INPP4B: variants seen among roughly 807,000 people sequenced by gnomAD.
INPP4B encodes inositol polyphosphate 4-phosphatase type II.
Under a neutral mutation model 122.5 loss-of-function variants are expected in INPP4B, and 55 were observed. The ratio of observed to expected loss-of-function variants is 0.45; its 90% CI spans 0.36 to 0.56. The LOEUF (loss-of-function observed/expected upper bound fraction) is 0.56, where lower values mean the gene tolerates loss of function less well. INPP4B is among the 20% of genes least tolerant of loss of function. The pLI is 0.00. For missense variants in INPP4B, 1,000 were observed against 1,097.7 expected, an observed-to-expected ratio of 0.91 and a Z score of 1.26; for synonymous variants, 403 against 388.7, an observed-to-expected ratio of 1.04 and a Z score of -0.43.
chr4:142,498,410 T>G (rs965604401), intron 2 of INPP4B, among the ~76,000 whole-genome samples: 3 of 152,030 alleles, frequency 2.0e-5, no homozygotes, highest in Non-Finnish European at 4.4e-5. Context: ...TAGAGCTACC[T>G]TAAAAGTTGA....
At chr4:142,183,242 G>A (rs766022288) in intron 15 of INPP4B, among the ~76,000 whole-genome samples, 12 of 152,066 alleles carry the variant, frequency 7.9e-5, no homozygotes, top group Admixed American at 1.3e-4. Flanking sequence ...AAATACCTCT[G>A]TAATTTATCT....
intron 1 of INPP4B, among the ~76,000 whole-genome samples, chr4:142,824,121 C>A (rs1184026064): frequency 1.3e-5 from 2 of 151,796 alleles, no homozygotes; most frequent in Admixed American, 1.3e-4. Context: ...GGACTTAAAC[C>A]ATGGCCCCCC....
At chr4:142,213,774 G>A (rs893114205) in intron 12 of INPP4B, among the ~76,000 whole-genome samples, 1 of 152,100 alleles carries the variant, frequency 6.6e-6, no homozygotes, top group South Asian at 2.1e-4. Flanking sequence ...CCAAGTAAAC[G>A]GTTTGCTGAT....
In INPP4B at chr4:142,525,088, C is replaced by T. The variant is rs1313475559; in HGVS notation, c.-190-62362G>A. Among the ~76,000 whole-genome samples the T allele has an allele frequency of 6.0e-5, 9 of 149,794 alleles. No individual in the cohort carries two copies. The East Asian group carries it at 1.8e-3, about 29-fold the overall frequency. Reference sequence around the variant, plus strand: ...CAAAAATCACAAGCATTCTTATACACCAATAACAGACAAACAGAGAGCCAA... The same window carrying T: ...CAAAAATCACAAGCATTCTTATACATCAATAACAGACAAACAGAGAGCCAA... On this transcript the variant is annotated intron_variant, in intron 2 of 25. Coordinates refer to ENST00000262992, the MANE Select transcript of INPP4B (RefSeq NM_001101669.3).
At chr4:142,673,847 C>A (rs560931572) in intron 2 of INPP4B, among the ~76,000 whole-genome samples, 1 of 152,022 alleles carries the variant, frequency 6.6e-6, no homozygotes, top group Non-Finnish European at 1.5e-5. Flanking sequence ...TTCCTAGATG[C>A]GGTCAATTAC....
intron 2 of INPP4B, among the ~76,000 whole-genome samples, chr4:142,616,549 C>T (rs916023419): frequency 6.6e-6 from 1 of 152,148 alleles, no homozygotes. Flanking sequence ...TGTACCCCAA[C>T]ACTTCTAAAT....
Position 142,156,150 on chromosome 4 carries a change from T to C in INPP4B, c.1563+4208A>G, listed in dbSNP as rs529899430. 3.9e-5 allele frequency among the ~76,000 whole-genome samples: 6 copies of C among 151,980 alleles called. No individual in the cohort carries two copies. The East Asian group carries it at 9.7e-4, about 25-fold the overall frequency. On this transcript the variant is annotated intron_variant, in intron 17 of 25. Transcript: ENST00000262992. ...CAATTAAAAATGGGTTTTGTGTCTG[T>C]CTAAATACTAAGAATTGTTTTTCTA...
At chr4:142,067,659 A>G (rs1764341535) in intron 25 of INPP4B, among the ~76,000 whole-genome samples, 1 of 152,224 alleles carries the variant, frequency 6.6e-6, no homozygotes, top group South Asian at 2.1e-4. Flanking sequence ...GCTGAAAACC[A>G]TGGCACGAGA....
intron 25 of INPP4B, among the ~76,000 whole-genome samples, chr4:142,070,394 A>G (rs1270707110): frequency 1.3e-5 from 2 of 152,218 alleles, no homozygotes; most frequent in African/African-American, 4.8e-5. Context: ...TGAATGGGCC[A>G]AAACTGGAAG....
rs115644983 is a variant in INPP4B at position 142,589,529 on chromosome 4, A to G, written c.-190-126803T>C. On this transcript the variant is annotated intron_variant, in intron 2 of 25. Coordinates refer to ENST00000262992, the MANE Select transcript of INPP4B (RefSeq NM_001101669.3). ...ATGTCAAACAGCATATGAAAAACTG[A>G]TCAACATAAATTTTCCTCAAGAAAT... Among the ~76,000 whole-genome samples the G allele has an allele frequency of 5.8e-3, 887 of 152,202 alleles. 9 individuals carry two copies. The highest frequency in any genetic ancestry group is 0.02 in the African/African-American group (820 of 41,562).
Position 142,372,736 on chromosome 4 carries a change from A to G in INPP4B, c.372+30202T>C, listed in dbSNP as rs548747491. Among the ~76,000 whole-genome samples the G allele has an allele frequency of 9.2e-5, 14 of 152,148 alleles. No homozygotes were observed. In the South Asian group the frequency reaches 2.9e-3, roughly 32 times the overall value. The stretch of plus-strand genomic sequence containing the variant: ...GTTTCACACATTCTCAAGTGCAAAA[A>G]GTAAGATTGACGGCATCCTTTCCAT... On this transcript the variant is annotated intron_variant, in intron 7 of 25. Coordinates refer to ENST00000262992, the MANE Select transcript of INPP4B (RefSeq NM_001101669.3).
chr4:142,610,084 A>G, intron 2 of INPP4B, among the ~76,000 whole-genome samples: 1 of 152,064 alleles, frequency 6.6e-6, no homozygotes, highest in Non-Finnish European at 1.5e-5. Flanking sequence ...TCTCACCTTG[A>G]ATTGCAACAG....
chr4:142,787,802 A>G (rs996682297), intron 1 of INPP4B, among the ~76,000 whole-genome samples: 1 of 152,142 alleles, frequency 6.6e-6, no homozygotes, highest in African/African-American at 2.4e-5. Context: ...ACACATAAAA[A>G]GGCAAATGGT....
intron 2 of INPP4B, among the ~76,000 whole-genome samples, chr4:142,542,933 T>A (rs1295857013): frequency 6.6e-6 from 1 of 152,102 alleles, no homozygotes; most frequent in Non-Finnish European, 1.5e-5. Flanking sequence ...ACCGGTTTGA[T>A]CATGTAATGG....
At chr4:142,078,942 T>C (rs1772320216) in intron 25 of INPP4B, among the ~76,000 whole-genome samples, 1 of 152,016 alleles carries the variant, frequency 6.6e-6, no homozygotes, top group Non-Finnish European at 1.5e-5. Context: ...TCAAATTCCT[T>C]TAAAACACTG....
At chr4:142,818,820 C>T (rs530138843) in intron 1 of INPP4B, among the ~76,000 whole-genome samples, 83 of 152,254 alleles carry the variant, frequency 5.5e-4, no homozygotes, top group African/African-American at 2.0e-3. Context: ...TAGCAACCAC[C>T]CAACATTCCT....
intron 20 of INPP4B, among the ~76,000 whole-genome samples, chr4:142,122,503 T>G (rs1411757501): frequency 8.6e-6 from 1 of 116,480 alleles, no homozygotes; most frequent in East Asian, 3.3e-4. Context: ...CTGGAGAGAG[T>G]GTTTTAACCC....
intron 15 of INPP4B, among the ~76,000 whole-genome samples, chr4:142,181,217 T>C (rs778528303): frequency 3.9e-5 from 6 of 152,320 alleles, no homozygotes; most frequent in Non-Finnish European, 5.9e-5. Context: ...CCACTCTGCA[T>C]TGAAGTTCCT....
intron 3 of INPP4B, among the ~76,000 whole-genome samples, chr4:142,462,197 T>C (rs1266854272): frequency 6.6e-6 from 1 of 152,204 alleles, no homozygotes; most frequent in Non-Finnish European, 1.5e-5. Flanking sequence ...CAATCCACAG[T>C]AGATTCTTTG....
Sources: allele counts gnomAD v4.1 joint callset (sites outside exome capture counted in the v4.1 genomes callset), GRCh38; gene constraint gnomAD v4.1.1; transcripts MANE v1.5; gene names NCBI Gene and HGNC (gene_info 2026-07-23, HGNC 2026-07-21).